The following MCTP1 variants were observed in gnomAD, a reference collection of about 807,000 sequenced individuals.
MCTP1 encodes the protein multiple C2 and transmembrane domain containing 1.
Under a neutral mutation model 120.6 loss-of-function variants are expected in MCTP1, and 69 were observed. That is an observed-to-expected ratio of 0.57 (90% CI 0.47 to 0.70). The LOEUF (loss-of-function observed/expected upper bound fraction) is 0.70, where lower values mean the gene tolerates loss of function less well. MCTP1 is among the 30% of genes least tolerant of loss of function. The pLI, the probability that MCTP1 is intolerant of heterozygous loss-of-function variation, is 0.00. For missense variants in MCTP1, 1,203 were observed against 1,248.8 expected, an observed-to-expected ratio of 0.96 and a Z score of 0.55; for synonymous variants, 529 against 493.1, an observed-to-expected ratio of 1.07 and a Z score of -0.96.
chr5:94,820,618 A>G (rs1785425268), intron 17 of MCTP1, among the ~76,000 whole-genome samples: 1 of 152,234 alleles, frequency 6.6e-6, no homozygotes, highest in Admixed American at 6.5e-5. Flanking sequence ...AGAGTTGTCA[A>G]CTATATTCCC....
rs1754089765 is a variant in MCTP1, at chr5:94,704,450, T to TAATA, written c.*3042_*3045dup. Reference sequence around the variant, plus strand: ...TGAAATTACTGCCTTTGAATAACATTAATACAAATGTAGACTACTTTGAGC... The same window carrying TAATA: ...TGAAATTACTGCCTTTGAATAACATTAATAAATACAAATGTAGACTACTTTGAGC... On this transcript the variant is annotated 3_prime_UTR_variant, in exon 23 of 23. Coordinates refer to ENST00000515393, the MANE Select transcript of MCTP1 (RefSeq NM_024717.7). The TAATA allele has an allele frequency of 6.6e-6, 1 of 151,470 alleles. No individual in the cohort carries two copies. Among genetic ancestry groups the TAATA allele is most frequent in the Non-Finnish European group, 1.5e-5 (1 of 67,620 alleles). The allele number at this position is 151,470 out of a possible 1,614,324, so 9.4% of individuals were successfully genotyped here.
intron 1 of MCTP1, among the ~76,000 whole-genome samples, chr5:95,272,520 T>C (rs464906): frequency 0.66 from 100,958 of 152,108 alleles, 33,891 homozygotes; most frequent in East Asian, 0.88. Flanking sequence ...GATCCTCTCA[T>C]GGCAAATTCC....
At chr5:95,055,829 A>G (rs1029154104) in intron 1 of MCTP1, among the ~76,000 whole-genome samples, 1 of 152,202 alleles carries the variant, frequency 6.6e-6, no homozygotes, top group Admixed American at 6.5e-5. Context: ...TTTTGGAGAT[A>G]ATTAGAAGCA....
At chr5:95,186,954 T>C (rs1460994282) in intron 1 of MCTP1, among the ~76,000 whole-genome samples, 3 of 152,258 alleles carry the variant, frequency 2.0e-5, no homozygotes, top group South Asian at 4.1e-4. Flanking sequence ...CAACAATAAA[T>C]GCTGGCAAGA....
intron 1 of MCTP1, among the ~76,000 whole-genome samples, chr5:95,074,328 A>G (rs1431517784): frequency 6.6e-6 from 1 of 152,206 alleles, no homozygotes. Flanking sequence ...AGCACTTTGA[A>G]GTGCTGTTGC....
At chr5:94,798,494 C>T (rs1326226835) in intron 18 of MCTP1, among the ~76,000 whole-genome samples, 1 of 152,012 alleles carries the variant, frequency 6.6e-6, no homozygotes, top group African/African-American at 2.4e-5. Context: ...CTCAATACAC[C>T]CCTGACACAG....
chr5:94,932,026 C>T, intron 5 of MCTP1, 35 bp from the exon 6 acceptor site: 1 of 1,464,564 alleles, frequency 6.8e-7, no homozygotes, highest in Middle Eastern at 1.8e-4. Context: ...ATTATCTTTT[C>T]ACTCAAGAAC....
rs150267383 is a variant in MCTP1, at chr5:95,257,540, T to C, written c.720+26316A>G. Among the ~76,000 whole-genome samples the C allele has an allele frequency of 7.2e-3, 1,101 of 152,266 alleles. 12 individuals are homozygous for C. The highest frequency in any genetic ancestry group is 0.03 in the South Asian group (146 of 4,822). On this transcript the variant is annotated intron_variant, in intron 1 of 22. Coordinates refer to ENST00000515393, the MANE Select transcript of MCTP1 (RefSeq NM_024717.7). ...ATAGATTATATACACATACAATTCATATCACAGTTTGTCCAATTTTGTGTT... is the reference window on the plus strand; with the variant it reads ...ATAGATTATATACACATACAATTCACATCACAGTTTGTCCAATTTTGTGTT...
At chr5:94,899,248 C>G (rs1187713174) in intron 10 of MCTP1, among the ~76,000 whole-genome samples, 1 of 152,208 alleles carries the variant, frequency 6.6e-6, no homozygotes, top group African/African-American at 2.4e-5. Flanking sequence ...ACTTACATGA[C>G]ACAGCTTATA....
At chr5:95,258,556 G>A (rs1462625347) in intron 1 of MCTP1, among the ~76,000 whole-genome samples, 1 of 152,034 alleles carries the variant, frequency 6.6e-6, no homozygotes, top group African/African-American at 2.4e-5. Context: ...AATAAAGTAT[G>A]GACTTTAAGT....
chr5:94,807,251 T>A (rs1391528946), intron 17 of MCTP1, among the ~76,000 whole-genome samples: 1 of 152,128 alleles, frequency 6.6e-6, no homozygotes. Flanking sequence ...AGATAACAAA[T>A]ACACAGGATA....
At chr5:95,106,304 C>A (rs540064168) in intron 1 of MCTP1, among the ~76,000 whole-genome samples, 1 of 152,208 alleles carries the variant, frequency 6.6e-6, no homozygotes, top group Non-Finnish European at 1.5e-5. Flanking sequence ...TTTGCAGAGA[C>A]CCTTCTGTTC....
At chr5:95,162,157 A>G (rs1230660432) in intron 1 of MCTP1, among the ~76,000 whole-genome samples, 1 of 152,198 alleles carries the variant, frequency 6.6e-6, no homozygotes, top group East Asian at 1.9e-4. Context: ...AATAGCATTG[A>G]TAATATTTTA....
intron 1 of MCTP1, among the ~76,000 whole-genome samples, chr5:95,110,576 T>G (rs2152387463): frequency 6.6e-6 from 1 of 152,258 alleles, no homozygotes; most frequent in South Asian, 2.1e-4. Flanking sequence ...TGGGGTTTAT[T>G]TTTTATACGC....
At chr5:95,050,001 T>TA (rs572652637) in intron 1 of MCTP1, among the ~76,000 whole-genome samples, 129 of 152,136 alleles carry the variant, frequency 8.5e-4, no homozygotes, top group Non-Finnish European at 3.7e-4. Flanking sequence ...GGTGGGCAGG[T>TA]AGGACCCCAG....
rs192997138 is a variant in MCTP1 at position 95,002,785 on chromosome 5, G to A, written c.838+14582C>T. Among the ~76,000 whole-genome samples, 23 of 152,304 alleles carry A rather than the reference G, an allele frequency of 1.5e-4. No homozygotes were observed. In the East Asian group the frequency reaches 2.5e-3, roughly 17 times the overall value. ...GACTTTTGGGTTAATGCTGGAATGA[G>A]TTAAGACTTTGGGAGACTGTTGGAA... On this transcript the variant is annotated intron_variant, in intron 2 of 22. Coordinates refer to ENST00000515393, the MANE Select transcript of MCTP1 (RefSeq NM_024717.7).
In MCTP1 at chr5:95,213,205, G is replaced by C. The variant is rs201228060; in HGVS notation, c.720+70651C>G. Among the ~76,000 whole-genome samples, 8 of 152,112 alleles carry C rather than the reference G, an allele frequency of 5.3e-5. No individual in the cohort carries two copies. The East Asian group carries it at 1.4e-3, about 26-fold the overall frequency. ...ATCAGTGCACAAAATCACAAGCATT[G>C]TTATACACCAGTAACAGACAAACAG... On this transcript the variant is annotated intron_variant, in intron 1 of 22. Transcript: ENST00000515393.
At chr5:94,715,383 A>C (rs1490543641) in intron 19 of MCTP1, among the ~76,000 whole-genome samples, 3 of 151,112 alleles carry the variant, frequency 2.0e-5, no homozygotes, top group Admixed American at 6.6e-5. Context: ...AAAAAAAAAA[A>C]AAAAAACACC....
intron 19 of MCTP1, among the ~76,000 whole-genome samples, chr5:94,733,792 C>T (rs970948469): frequency 1.3e-4 from 19 of 151,826 alleles, no homozygotes; most frequent in South Asian, 2.1e-4. Context: ...GGTGAAACCC[C>T]GTCTCTACTA....
Sources: gnomAD v4.1 joint callset for allele counts (sites outside exome capture counted in the v4.1 genomes callset) on GRCh38, gnomAD v4.1.1 for gene constraint, MANE v1.5 for transcripts, NCBI Gene and HGNC (gene_info 2026-07-23, HGNC 2026-07-21) for gene names.